TTBK2: variants seen among roughly 807,000 people sequenced by gnomAD.
TTBK2 encodes tau-tubulin kinase 2.
TTBK2 carries 28 observed loss-of-function variants against 110.8 expected under a neutral mutation model. The observed-to-expected ratio is 0.25, with a 90% CI of 0.19 to 0.35. The LOEUF (loss-of-function observed/expected upper bound fraction) is 0.35. Ranked by LOEUF, TTBK2 falls within the 10% of genes least tolerant of loss-of-function variation. The pLI is 1.00. For synonymous variants in TTBK2, 532 were observed against 527.3 expected (o/e 1.01, Z -0.12); for missense variants, 1,369 against 1,500.3 (o/e 0.91, Z 1.45).
intron 11 of TTBK2, among the ~76,000 whole-genome samples, chr15:42,780,694 C>T (rs1164614361): frequency 2.6e-5 from 4 of 152,038 alleles, no homozygotes; most frequent in South Asian, 2.1e-4. Context: ...GGCTGGGCGT[C>T]GTGGCTTGTG....
At chr15:42,859,297 G>T (rs1469366216) in intron 3 of TTBK2, among the ~76,000 whole-genome samples, 1 of 151,906 alleles carries the variant, frequency 6.6e-6, no homozygotes, top group African/African-American at 2.4e-5. Context: ...TTGTATAGGT[G>T]GGATTTCACC....
chr15:42,739,712 A>G lies in TTBK2; in HGVS notation c.*6083T>C, dbSNP rs2061738941. 6.6e-6 allele frequency: 1 copy of G among 152,264 alleles called. No individual in the cohort carries two copies. Among genetic ancestry groups the G allele is most frequent in the African/African-American group, 2.4e-5 (1 of 41,466 alleles). 9.4% of individuals were successfully genotyped at this position (152,264 alleles called of 1,614,324 possible). On this transcript the variant is annotated 3_prime_UTR_variant, in exon 15 of 15. Transcript: ENST00000267890. Reference sequence around the variant, plus strand: ...CAGTGGACTACTTTGGCTGATGAACAGTTCAAATAGAAGATTGTTTTGGAA... The same window carrying G: ...CAGTGGACTACTTTGGCTGATGAACGGTTCAAATAGAAGATTGTTTTGGAA...
intron 1 of TTBK2, chr15:42,919,677 T>G: frequency 8.5e-6 from 3 of 351,166 alleles, no homozygotes; most frequent in Non-Finnish European, 1.2e-5. Flanking sequence ...TCTAAAGCGA[T>G]GAGAGAGAAG....
At position 42,771,059 on chromosome 15, in the gene TTBK2, C is replaced by T. The variant is rs147215952; in HGVS notation, c.1998+4076G>A. 5.7e-4 allele frequency among the ~76,000 whole-genome samples: 86 copies of T among 151,980 alleles called. 1 individual carries two copies. The East Asian group carries it at 0.015, about 26-fold the overall frequency. On this transcript the variant is annotated intron_variant, in intron 13 of 14. Transcript: ENST00000267890. Reference sequence around the variant, plus strand: ...CGCGATCTCGGCTCACTGCAACCTCCGGCTCCCAGGTTTTTAAGCAATTCT... The same window carrying T: ...CGCGATCTCGGCTCACTGCAACCTCTGGCTCCCAGGTTTTTAAGCAATTCT...
At chr15:42,882,326 C>T (rs569038570) in intron 1 of TTBK2, among the ~76,000 whole-genome samples, 16 of 152,006 alleles carry the variant, frequency 1.1e-4, no homozygotes, top group South Asian at 2.1e-4. Context: ...CAGCCAGGCA[C>T]GGTGGCTCAC....
At chr15:42,754,806 C>T (rs560125480) in intron 13 of TTBK2, among the ~76,000 whole-genome samples, 7 of 148,550 alleles carry the variant, frequency 4.7e-5, no homozygotes, top group South Asian at 4.3e-4. Context: ...GTCGGGAGTT[C>T]GAGACCAGCC....
chr15:42,879,191 A>G (rs1894938672), intron 1 of TTBK2, among the ~76,000 whole-genome samples: 2 of 152,228 alleles, frequency 1.3e-5, no homozygotes, highest in South Asian at 2.1e-4. Context: ...AGAGGATACT[A>G]ATAAGATGAA....
chr15:42,911,961 T>TACACACACACACAC (rs10545933), intron 1 of TTBK2, among the ~76,000 whole-genome samples: 2 of 149,738 alleles, frequency 1.3e-5, no homozygotes, highest in African/African-American at 4.9e-5. Flanking sequence ...ATGAGTTAAA[T>TACACACACACACAC]ACACACACAC....
intron 3 of TTBK2, among the ~76,000 whole-genome samples, chr15:42,865,513 T>TAA (rs60116704): frequency 1.9e-4 from 21 of 109,268 alleles, no homozygotes; most frequent in South Asian, 6.3e-4. Context: ...ATAATAATAC[T>TAA]AAAAAAAAAA....
chr15:42,864,212 T>A (rs1472539671), intron 3 of TTBK2, among the ~76,000 whole-genome samples: 1 of 152,194 alleles, frequency 6.6e-6, no homozygotes, highest in Non-Finnish European at 1.5e-5. Flanking sequence ...TCAGAATTTA[T>A]AAGAAACTTA....
At chr15:42,795,700 G>A (rs143955809) in intron 9 of TTBK2, among the ~76,000 whole-genome samples, 44 of 151,922 alleles carry the variant, frequency 2.9e-4, no homozygotes, top group African/African-American at 9.9e-4. Flanking sequence ...AACATTAGCC[G>A]GGTGTGGTGG....
intron 7 of TTBK2, among the ~76,000 whole-genome samples, chr15:42,813,835 G>A (rs937457480): frequency 3.3e-5 from 5 of 151,328 alleles, no homozygotes; most frequent in Non-Finnish European, 5.9e-5. Context: ...GAAGGAGGGC[G>A]AGAGAGCAGG....
chr15:42,753,361 C>T (rs2061897139), intron 13 of TTBK2, 114 bp from the exon 14 acceptor site: 4 of 1,057,782 alleles, frequency 3.8e-6, no homozygotes, highest in South Asian at 1.5e-5. Flanking sequence ...CAGATGTTGA[C>T]CAGGTCTGCC....
intron 10 of TTBK2, among the ~76,000 whole-genome samples, chr15:42,789,321 T>C (rs1159165088): frequency 7.1e-6 from 1 of 140,050 alleles, no homozygotes; most frequent in African/African-American, 2.6e-5. Flanking sequence ...ATATATATGT[T>C]TTTTGTTCAC....
intron 3 of TTBK2, among the ~76,000 whole-genome samples, chr15:42,847,885 C>T (rs1302346386): frequency 1.3e-5 from 2 of 152,136 alleles, no homozygotes; most frequent in African/African-American, 4.8e-5. Flanking sequence ...CAGGATCTCA[C>T]TTTGTCACCT....
At chr15:42,791,706 A>G (rs774150722) in intron 10 of TTBK2, among the ~76,000 whole-genome samples, 3 of 152,170 alleles carry the variant, frequency 2.0e-5, no homozygotes, top group African/African-American at 4.8e-5. Flanking sequence ...TCTTGCTTGG[A>G]TGTTTAATCT....
chr15:42,915,079 C>CT (rs1422428403), intron 1 of TTBK2, among the ~76,000 whole-genome samples: 43 of 152,242 alleles, frequency 2.8e-4, no homozygotes, highest in Admixed American at 2.4e-3. Context: ...AGTAATCCCC[C>CT]TTATCCATGG....
At chr15:42,910,496 C>G (rs1412967480) in intron 1 of TTBK2, among the ~76,000 whole-genome samples, 1 of 152,160 alleles carries the variant, frequency 6.6e-6, no homozygotes, top group African/African-American at 2.4e-5. Context: ...TCCCATACAG[C>G]TGAATGAAAC....
chr15:42,772,787 G>C (rs1272571669), intron 13 of TTBK2, among the ~76,000 whole-genome samples: 1 of 152,042 alleles, frequency 6.6e-6, no homozygotes, highest in African/African-American at 2.4e-5. Flanking sequence ...TCTTGCAAAA[G>C]ATTGAAAAAT....
Sources: gnomAD v4.1 joint callset for allele counts (sites outside exome capture counted in the v4.1 genomes callset) on GRCh38, gnomAD v4.1.1 for gene constraint, MANE v1.5 for transcripts, NCBI Gene and HGNC (gene_info 2026-07-23, HGNC 2026-07-21) for gene names.